BOLL: variants seen among roughly 807,000 people sequenced by gnomAD.
BOLL encodes protein boule-like.
Under a neutral mutation model 44.4 loss-of-function variants are expected in BOLL, and 23 were observed. That is an observed-to-expected ratio of 0.52 (90% CI 0.37 to 0.73). The LOEUF is 0.73. BOLL is among the 30% of genes least tolerant of loss of function. The pLI is 0.00. For missense variants in BOLL, 287 were observed against 338.3 expected (o/e 0.85, Z 1.19); for synonymous variants, 97 against 110.8 (o/e 0.88, Z 0.78).
At chr2:197,760,305 A>G (rs1688696424) in intron 7 of BOLL, among the ~76,000 whole-genome samples, 1 of 152,192 alleles carries the variant, frequency 6.6e-6, no homozygotes, top group South Asian at 2.1e-4. Context: ...TGAGCCGGAG[A>G]AACAGCCCCT....
chr2:197,760,969 T>A (rs1688728884), intron 7 of BOLL, among the ~76,000 whole-genome samples: 1 of 152,098 alleles, frequency 6.6e-6, no homozygotes, highest in South Asian at 2.1e-4. Context: ...GAAAAAAACC[T>A]GCCAGCCAAG....
intron 7 of BOLL, 136 bp downstream of exon 7, chr2:197,766,396 G>T: frequency 1.3e-6 from 1 of 760,924 alleles, no homozygotes; most frequent in Non-Finnish European, 2.2e-6. Context: ...ATATCAATGT[G>T]GTTTTGATTC....
intron 7 of BOLL, among the ~76,000 whole-genome samples, chr2:197,760,743 T>C (rs1688719818): frequency 6.6e-6 from 1 of 152,106 alleles, no homozygotes; most frequent in Admixed American, 6.5e-5. Context: ...GCAGATAGGT[T>C]GAATCTAGCA....
chr2:197,765,910 C>T (rs1688977752), intron 7 of BOLL, among the ~76,000 whole-genome samples: 1 of 151,950 alleles, frequency 6.6e-6, no homozygotes, highest in Non-Finnish European at 1.5e-5. Flanking sequence ...GAGTTCTCAT[C>T]ATTTAGCTCA....
At chr2:197,759,432 G>A (rs1688654035) in intron 7 of BOLL, among the ~76,000 whole-genome samples, 1 of 151,996 alleles carries the variant, frequency 6.6e-6, no homozygotes. Flanking sequence ...CCCCGAATTA[G>A]GAGTACAAAG....
At chr2:197,759,481 A>T (rs1030913752) in intron 7 of BOLL, among the ~76,000 whole-genome samples, 1 of 151,984 alleles carries the variant, frequency 6.6e-6, no homozygotes, top group Admixed American at 6.6e-5. Flanking sequence ...CCTGTGAGCG[A>T]AGCTGCTACA....
chr2:197,771,551 T>C (rs1170866981), intron 6 of BOLL, among the ~76,000 whole-genome samples: 1 of 152,066 alleles, frequency 6.6e-6, no homozygotes, highest in African/African-American at 2.4e-5. Flanking sequence ...GTACTATATG[T>C]CATTTATGAA....
chr2:197,780,914 G>T (rs1216926564), intron 2 of BOLL, among the ~76,000 whole-genome samples: 1 of 151,912 alleles, frequency 6.6e-6, no homozygotes, highest in Non-Finnish European at 1.5e-5. Context: ...CTTTCTTGTA[G>T]GTGTTTACTC....
Position 197,781,715 on chromosome 2 carries a change from T to G in BOLL, c.129+7A>C, listed in dbSNP as rs766848431. 2.0e-6 allele frequency: 3 copies of G among 1,536,032 alleles called. No individual in the cohort carries two copies. Among genetic ancestry groups the G allele is most frequent in the Non-Finnish European group, 2.7e-6 (3 of 1,129,416 alleles). ...AAATACACTTTACTGCATGCATAAA[T>G]AGGTACCTTAAAATCAATTCCTCCT... On this transcript the variant is annotated splice_region_variant and intron_variant, in intron 2 of 10. Coordinates refer to ENST00000392296, the MANE Select transcript of BOLL (RefSeq NM_033030.6).
intron 5 of BOLL, chr2:197,774,932 T>G (rs1478223728): frequency 6.6e-6 from 1 of 151,942 alleles, no homozygotes; most frequent in East Asian, 1.9e-4. Flanking sequence ...GTTAACAGAT[T>G]ATATATAATA....
At chr2:197,731,803 G>A (rs1303463708) in intron 10 of BOLL, among the ~76,000 whole-genome samples, 5 of 151,490 alleles carry the variant, frequency 3.3e-5, no homozygotes, top group African/African-American at 1.2e-4. Flanking sequence ...TCTCTGGGAC[G>A]CATTCAAAGC....
At chr2:197,769,318 A>G (rs1689131936) in intron 6 of BOLL, among the ~76,000 whole-genome samples, 1 of 152,056 alleles carries the variant, frequency 6.6e-6, no homozygotes, top group Non-Finnish European at 1.5e-5. Context: ...GTAGTCTATT[A>G]ATGATTGCCT....
At chr2:197,737,358 C>G (rs1225738675) in intron 10 of BOLL, among the ~76,000 whole-genome samples, 1 of 152,036 alleles carries the variant, frequency 6.6e-6, no homozygotes, top group Non-Finnish European at 1.5e-5. Context: ...ATTCTCCTTA[C>G]TGTCCTTACA....
At chr2:197,781,629 ATATGTTATTT>A in intron 2 of BOLL, 83 bp downstream of exon 2, 1 of 1,187,822 alleles carries the variant, frequency 8.4e-7, no homozygotes, top group Non-Finnish European at 1.1e-6. Flanking sequence ...CATTATGCAA[ATATGTTATTT>A]TATAGTTGCA....
chr2:197,731,226 C>T (rs899247778), intron 10 of BOLL, among the ~76,000 whole-genome samples: 1 of 151,896 alleles, frequency 6.6e-6, no homozygotes, highest in Non-Finnish European at 1.5e-5. Context: ...AAGGCCATTA[C>T]ATAATGGTAA....
chr2:197,785,295 CCCGCCG>C lies in BOLL; in HGVS notation c.-261_-256del. Reference sequence around the variant, plus strand: ...GGCGGGAAGCCTCAACGGCAGCGACCCCGCCGCTGGCCTCGTGCGCAGCTGGTCCCC... The same window carrying C: ...GGCGGGAAGCCTCAACGGCAGCGACCCTGGCCTCGTGCGCAGCTGGTCCCC... On this transcript the variant is annotated 5_prime_UTR_variant, in exon 1 of 11. Transcript: ENST00000392296. This position sits in a 1 kb window ranked among gnomAD's most constrained non-coding sequence, Gnocchi z 6.7. The C allele has an allele frequency of 3.0e-6, 3 of 985,696 alleles. No homozygotes were observed. Among genetic ancestry groups the C allele is most frequent in the Non-Finnish European group, 2.4e-6 (2 of 829,892 alleles). 61.1% of individuals were successfully genotyped at this position (985,696 alleles called of 1,614,324 possible).
intron 10 of BOLL, among the ~76,000 whole-genome samples, chr2:197,735,112 A>T (rs1461439172): frequency 6.6e-6 from 1 of 152,112 alleles, no homozygotes; most frequent in African/African-American, 2.4e-5. Flanking sequence ...AGTTACTGTA[A>T]AATTTATTTA....
intron 9 of BOLL, among the ~76,000 whole-genome samples, chr2:197,744,871 C>A (rs1327421928): frequency 2.0e-5 from 3 of 152,024 alleles, no homozygotes; most frequent in Non-Finnish European, 4.4e-5. Context: ...AAGCTGTAAA[C>A]CAGTGGAGAG....
Position 197,777,153 on chromosome 2 carries a change from T to C in BOLL, c.222-40A>G, listed in dbSNP as rs1273485983. On this transcript the variant is annotated intron_variant, in intron 3 of 10. Transcript: ENST00000392296. ...TAATTATTACTAATTAATCATTTTC[T>C]TAGAATGTTATATTAATTATATTAA... The C allele has an allele frequency of 4.6e-6, 6 of 1,310,734 alleles. No individual in the cohort carries two copies. The African/African-American group carries it at 7.6e-5, about 17-fold the overall frequency. The allele number at this position is 1,310,734 out of a possible 1,614,324, so 81.2% of individuals were successfully genotyped here.
Sources: gnomAD v4.1 joint callset for allele counts (sites outside exome capture counted in the v4.1 genomes callset) on GRCh38, gnomAD v4.1.1 for gene constraint, Gnocchi (gnomAD v3.1) non-coding constraint, MANE v1.5 for transcripts, NCBI Gene and HGNC (gene_info 2026-07-23, HGNC 2026-07-21) for gene names.